Variants in HIPK2 observed in about 807,000 individuals in gnomAD.
The protein encoded by HIPK2 is homeodomain-interacting protein kinase 2.
Under a neutral mutation model 113.7 loss-of-function variants are expected in HIPK2, and 27 were observed. The ratio of observed to expected loss-of-function variants is 0.24; its 90% CI spans 0.17 to 0.33. HIPK2 has a LOEUF of 0.33. HIPK2 is among the 10% of genes least tolerant of loss of function. The pLI is 1.00. For missense variants in HIPK2, 1,257 were observed against 1,588.0 expected, an observed-to-expected ratio of 0.79 and a Z score of 3.54; for synonymous variants, 631 against 642.2, an observed-to-expected ratio of 0.98 and a Z score of 0.26.
intron 8 of HIPK2, 81 bp downstream of exon 8, chr7:139,614,205 G>A (rs568974466): frequency 1.2e-5 from 14 of 1,203,314 alleles, no homozygotes; most frequent in South Asian, 1.0e-4. Flanking sequence ...GAAAATGAGC[G>A]TGACAGAAAA....
At chr7:139,685,900 A>T (rs1243203960) in intron 2 of HIPK2, among the ~76,000 whole-genome samples, 1 of 152,238 alleles carries the variant, frequency 6.6e-6, no homozygotes, top group Non-Finnish European at 1.5e-5. Context: ...TGCTAACACA[A>T]CATCCATTCT....
rs139885745 is a variant in HIPK2 at position 139,665,330 on chromosome 7, T to C, written c.1104-33605A>G. ...CTGGGATTACAGGTGTGACCCGCTG[T>C]GCCCAGAAGGGCGGACCTGAAACAA... On this transcript the variant is annotated intron_variant, in intron 2 of 14. Transcript: ENST00000406875. 4.2e-3 allele frequency among the ~76,000 whole-genome samples: 634 copies of C among 152,350 alleles called. 4 individuals carry two copies. The highest frequency in any genetic ancestry group is 0.015 in the African/African-American group (625 of 41,580).
intron 13 of HIPK2, 27 bp downstream of exon 13, chr7:139,583,790 T>TC (rs760385729): frequency 1.2e-4 from 193 of 1,600,436 alleles, no homozygotes; most frequent in Non-Finnish European, 1.6e-4. Flanking sequence ...AGGGAGAGGT[T>TC]CCTGCCCTGT....
At chr7:139,672,857 C>T (rs1345434075) in intron 2 of HIPK2, among the ~76,000 whole-genome samples, 13 of 152,166 alleles carry the variant, frequency 8.5e-5, no homozygotes, top group African/African-American at 1.4e-4. Flanking sequence ...TACATGACTA[C>T]CTCATCTTTA....
In HIPK2 at chr7:139,564,788, G is replaced by A. The variant is rs550601851; in HGVS notation, c.*8139C>T. On this transcript the variant is annotated 3_prime_UTR_variant, in exon 15 of 15. Transcript: ENST00000406875. ...CTATAAAACACTTTAACTATAAAAC[G>A]TAGCCAGAAATATGCTTAAGTATCC... 2.6e-4 allele frequency: 39 copies of A among 152,278 alleles called. No individual in the cohort carries two copies. Among genetic ancestry groups the A allele is most frequent in the Middle Eastern group, 3.4e-3 (1 of 294 alleles). 9.4% of individuals were successfully genotyped at this position (152,278 alleles called of 1,614,324 possible). A position where few individuals can be genotyped will look rare whatever the true frequency, so the allele number is the denominator to read the frequency against.
intron 9 of HIPK2, among the ~76,000 whole-genome samples, chr7:139,606,813 A>G (rs988181847): frequency 2.0e-5 from 3 of 152,222 alleles, no homozygotes; most frequent in African/African-American, 2.4e-5. Context: ...CCTACCCTCC[A>G]GGTTTCCAAT....
intron 13 of HIPK2, among the ~76,000 whole-genome samples, chr7:139,575,561 T>A (rs1798463973): frequency 6.6e-6 from 1 of 152,148 alleles, no homozygotes; most frequent in Admixed American, 6.5e-5. Flanking sequence ...AGAGGCAAGG[T>A]GGGCTGGTGG....
At chr7:139,584,245 G>A (rs1490271908) in intron 12 of HIPK2, 181 bp from the exon 13 acceptor site, 2 of 295,290 alleles carry the variant, frequency 6.8e-6, no homozygotes, top group Non-Finnish European at 5.0e-6. Flanking sequence ...GTAGCCGGCA[G>A]CAGGGGGACA....
intron 14 of HIPK2, among the ~76,000 whole-genome samples, chr7:139,573,988 A>C (rs1798403225): frequency 6.6e-6 from 1 of 152,178 alleles, no homozygotes; most frequent in South Asian, 2.1e-4. Flanking sequence ...GAAGCTGTGA[A>C]GTATCAGGAT....
At chr7:139,601,858 A>G (rs1318429412) in intron 10 of HIPK2, among the ~76,000 whole-genome samples, 2 of 152,188 alleles carry the variant, frequency 1.3e-5, no homozygotes, top group East Asian at 3.8e-4. Context: ...AAGGATGAAC[A>G]GGAAAAAAGA....
At chr7:139,752,455 A>G (rs1020471935) in intron 1 of HIPK2, among the ~76,000 whole-genome samples, 36 of 152,090 alleles carry the variant, frequency 2.4e-4, no homozygotes, top group Non-Finnish European at 4.6e-4. Flanking sequence ...ACGTGTCTGC[A>G]TGTGATTTTC....
chr7:139,639,732 G>C (rs1358634134), intron 2 of HIPK2, among the ~76,000 whole-genome samples: 1 of 152,180 alleles, frequency 6.6e-6, no homozygotes, highest in Non-Finnish European at 1.5e-5. Context: ...CTAGCACGCA[G>C]CCTGGGCATG....
intron 1 of HIPK2, among the ~76,000 whole-genome samples, chr7:139,735,701 G>A (rs957709880): frequency 1.3e-5 from 2 of 152,204 alleles, no homozygotes; most frequent in Non-Finnish European, 2.9e-5. Flanking sequence ...AGTGGATGGA[G>A]TGCTCTCAGA....
chr7:139,763,970 T>C (rs1482262361), intron 1 of HIPK2, among the ~76,000 whole-genome samples: 1 of 152,202 alleles, frequency 6.6e-6, no homozygotes, highest in African/African-American at 2.4e-5. Context: ...TTTTGCTGTT[T>C]AAATGGTCCC....
chr7:139,742,991 C>T (rs985783780), intron 1 of HIPK2, among the ~76,000 whole-genome samples: 1 of 152,192 alleles, frequency 6.6e-6, no homozygotes, highest in South Asian at 2.1e-4. Context: ...AGGACAGAAA[C>T]GTGGCATGGC....
rs983554611 is a variant in HIPK2, at chr7:139,645,145, G to A, written c.1104-13420C>T. ...CCAGTGCCTCCACTGGAGAAGCCCC[G>A]AATCCCCAACTCTCAGATGAGTGAC... is the stretch of plus-strand genomic sequence containing the variant. On this transcript the variant is annotated intron_variant, in intron 2 of 14. Coordinates refer to ENST00000406875, the MANE Select transcript of HIPK2 (RefSeq NM_022740.5). Among the ~76,000 whole-genome samples, 5 of 152,292 alleles carry A rather than the reference G, an allele frequency of 3.3e-5. No homozygotes were observed. In the South Asian group the frequency reaches 6.2e-4, roughly 19 times the overall value.
chr7:139,573,659 T>C (rs1585224953), intron 14 of HIPK2, among the ~76,000 whole-genome samples: 1 of 152,130 alleles, frequency 6.6e-6, no homozygotes, highest in East Asian at 1.9e-4. Context: ...CTGGCCAATA[T>C]GGTGAAACCC....
chr7:139,603,933 T>C, intron 10 of HIPK2, 148 bp downstream of exon 10: 2 of 991,942 alleles, frequency 2.0e-6, no homozygotes, highest in Non-Finnish European at 3.0e-6. Flanking sequence ...CCTGCACTCA[T>C]AGTCCACACA....
At chr7:139,755,176 G>A (rs960957966) in intron 1 of HIPK2, among the ~76,000 whole-genome samples, 10 of 152,158 alleles carry the variant, frequency 6.6e-5, no homozygotes, top group African/African-American at 2.4e-4. Flanking sequence ...GAGGTCTGCA[G>A]GAAGCTTCTG....
Sources: allele counts gnomAD v4.1 joint callset (sites outside exome capture counted in the v4.1 genomes callset), GRCh38; gene constraint gnomAD v4.1.1; transcripts MANE v1.5; gene names NCBI Gene and HGNC (gene_info 2026-07-23, HGNC 2026-07-21).